Variants in CDH3 observed in about 807,000 individuals in gnomAD.
CDH3 encodes the protein cadherin-3.
CDH3 carries 54 observed loss-of-function variants against 82.0 expected under a neutral mutation model. The ratio of observed to expected loss-of-function variants is 0.66; its 90% CI spans 0.53 to 0.83. The LOEUF is 0.83. CDH3 is among the 40% of genes least tolerant of loss of function. The pLI is 0.00. For synonymous variants in CDH3, 446 were observed against 437.9 expected, an observed-to-expected ratio of 1.02 and a Z score of -0.23; for missense variants, 1,054 against 1,084.6, an observed-to-expected ratio of 0.97 and a Z score of 0.40.
chr16:68,730,332 G>T (rs901886748), downstream of CDH3, among the ~76,000 whole-genome samples: 1 of 150,740 alleles, frequency 6.6e-6, no homozygotes, highest in Non-Finnish European at 1.5e-5. Flanking sequence ...TTGGAGACCT[G>T]CCTGACCAAC....
intron 2 of CDH3, among the ~76,000 whole-genome samples, chr16:68,674,329 T>C (rs1297144320): frequency 3.3e-5 from 5 of 152,232 alleles, no homozygotes; most frequent in Non-Finnish European, 7.3e-5. Flanking sequence ...ATTGTGTATC[T>C]TCTCTGGAGA....
At chr16:68,726,483 A>T (rs1962220260) in intron 2 of CDH3, among the ~76,000 whole-genome samples, 1 of 151,828 alleles carries the variant, frequency 6.6e-6, no homozygotes, top group South Asian at 2.1e-4. Context: ...CAGAAACAAA[A>T]CCCCACCCTG....
downstream of CDH3, among the ~76,000 whole-genome samples, chr16:68,703,634 T>C (rs1302321877): frequency 6.6e-6 from 1 of 152,194 alleles, no homozygotes; most frequent in Non-Finnish European, 1.5e-5. Context: ...AACCTCTCTG[T>C]CTCCGTTTTC....
chr16:68,695,154 CTGAG>C, intron 13 of CDH3, 97 bp from the exon 14 acceptor site: 2 of 1,234,176 alleles, frequency 1.6e-6, no homozygotes, highest in South Asian at 1.2e-5. Context: ...GCTCTGGCTA[CTGAG>C]TGAGGACATC....
intron 11 of CDH3, among the ~76,000 whole-genome samples, chr16:68,685,701 G>A (rs895316842): frequency 4.6e-5 from 7 of 152,162 alleles, no homozygotes; most frequent in Non-Finnish European, 7.4e-5. Context: ...CAGCTACTCC[G>A]GACGCAGAGG....
chr16:68,730,516 ACT>A (rs1311553010), downstream of CDH3, among the ~76,000 whole-genome samples: 11 of 152,292 alleles, frequency 7.2e-5, no homozygotes, highest in African/African-American at 2.6e-4. Context: ...CAAGAGTGAA[ACT>A]CTGTCTCAAA....
At chr16:68,708,581 G>A (rs1208903820) in intron 1 of CDH3, among the ~76,000 whole-genome samples, 1 of 151,996 alleles carries the variant, frequency 6.6e-6, no homozygotes, top group African/African-American at 2.4e-5. Context: ...TTGCAGCCCT[G>A]CACCCCCCAA....
intron 12 of CDH3, among the ~76,000 whole-genome samples, chr16:68,688,430 A>G (rs1003067561): frequency 2.6e-5 from 4 of 152,016 alleles, no homozygotes; most frequent in Admixed American, 1.3e-4. Context: ...TCTACTAAAA[A>G]TACAAAAATT....
intron 2 of CDH3, chr16:68,645,957 C>G: frequency 5.1e-6 from 3 of 584,654 alleles, no homozygotes; most frequent in Non-Finnish European, 9.2e-6. Context: ...CATCCAGCCC[C>G]TTGTCCGGTA....
chr16:68,682,553 G>A lies in CDH3; in HGVS notation c.1182+66G>A, dbSNP rs1440594276. 11 of 1,479,076 alleles carry A rather than the reference G, an allele frequency of 7.4e-6. No homozygotes were observed. In the East Asian group the frequency reaches 1.4e-4, roughly 18 times the overall value. The allele number at this position is 1,479,076 out of a possible 1,614,324, so 91.6% of individuals were successfully genotyped here. A position where few individuals can be genotyped will look rare whatever the true frequency, so the allele number is the denominator to read the frequency against. The stretch of plus-strand genomic sequence containing the variant: ...CAGTCAGGTCTGCAGCCTTCAGGAT[G>A]AGGAGCCACTGTCTACCGTGGGCTA... On this transcript the variant is annotated intron_variant, in intron 9 of 15. Coordinates refer to ENST00000264012, the MANE Select transcript of CDH3 (RefSeq NM_001793.6).
chr16:68,704,156 G>A (rs543919999), downstream of CDH3, among the ~76,000 whole-genome samples: 7 of 151,230 alleles, frequency 4.6e-5, no homozygotes, highest in East Asian at 2.0e-4. Flanking sequence ...GCGTGGTGGC[G>A]GGCGCCTGTA....
At position 68,685,277 on chromosome 16, in the gene CDH3, C is replaced by A. The variant is rs764406070; in HGVS notation, c.1497C>A (p.Gly499=). The change falls in exon 11 of 16, where the codon GGC becomes GGA. Residue 499 remains glycine (G), a synonymous_variant. Transcript: ENST00000264012. ...ACAGTGGGCAGGTCACAGCTGTGGGCACCCTCGACCGTGAGGATGAGCAGT... is the reference window on the plus strand; with the variant it reads ...ACAGTGGGCAGGTCACAGCTGTGGGAACCCTCGACCGTGAGGATGAGCAGT... The part of the protein sequence containing the change: ...DPDSGQVTAV[G]TLDREDEQFV... The A allele has an allele frequency of 5.0e-6, 8 of 1,614,122 alleles. No homozygotes were observed. Among genetic ancestry groups the A allele is most frequent in the Non-Finnish European group, 8.5e-7 (1 of 1,179,986 alleles).
chr16:68,731,437 T>C (rs57132486), downstream of CDH3, among the ~76,000 whole-genome samples: 296 of 11,822 alleles, frequency 0.025, 66 homozygotes, highest in African/African-American at 0.061. Context: ...TATACACATA[T>C]ATATACACAC....
intron 1 of CDH3, among the ~76,000 whole-genome samples, chr16:68,710,156 C>T (rs1215960078): frequency 6.6e-6 from 1 of 152,242 alleles, no homozygotes; most frequent in Non-Finnish European, 1.5e-5. Context: ...CCTGCTCCCT[C>T]CCTGCCGGGC....
chr16:68,695,672 T>G, intron 14 of CDH3, 105 bp from the exon 15 acceptor site: 57 of 1,340,886 alleles, frequency 4.3e-5, no homozygotes, highest in Non-Finnish European at 5.5e-5. Flanking sequence ...GACCTCCCCA[T>G]GAGCCAGAGT....
At chr16:68,653,489 G>A (rs1294928639) in intron 2 of CDH3, among the ~76,000 whole-genome samples, 1 of 151,992 alleles carries the variant, frequency 6.6e-6, no homozygotes, top group African/African-American at 2.4e-5. Flanking sequence ...CGCCTACCTC[G>A]GCCTCCCAAA....
At chr16:68,711,099 TC>T (rs1962024248) in intron 1 of CDH3, among the ~76,000 whole-genome samples, 1 of 150,138 alleles carries the variant, frequency 6.7e-6, no homozygotes, top group Admixed American at 6.6e-5. Context: ...TCCACTGAGG[TC>T]GGGAGTTTGA....
chr16:68,723,685 C>T (rs919423402), intron 2 of CDH3, among the ~76,000 whole-genome samples: 1 of 152,186 alleles, frequency 6.6e-6, no homozygotes, highest in Non-Finnish European at 1.5e-5. Flanking sequence ...AATCTCAGCA[C>T]TTTGGGAGGC....
intron 11 of CDH3, among the ~76,000 whole-genome samples, 173 bp from the exon 12 acceptor site, chr16:68,687,339 C>T (rs1429622414): frequency 6.6e-6 from 1 of 152,120 alleles, no homozygotes; most frequent in Non-Finnish European, 1.5e-5. Context: ...TTAGTAATGT[C>T]TGCTGTGGAC....
Sources: allele counts gnomAD v4.1 joint callset (sites outside exome capture counted in the v4.1 genomes callset), GRCh38; gene constraint gnomAD v4.1.1; transcripts MANE v1.5; gene names NCBI Gene and HGNC (gene_info 2026-07-23, HGNC 2026-07-21).